TMEM132E: variants seen among roughly 807,000 people sequenced by gnomAD.
TMEM132E encodes transmembrane protein 132E.
TMEM132E carries 49 observed loss-of-function variants against 78.5 expected under a neutral mutation model. That is an observed-to-expected ratio of 0.62 (90% CI 0.50 to 0.79). TMEM132E has a LOEUF of 0.79. Among genes scored for constraint, TMEM132E ranks in the 30% least tolerant of loss-of-function variants. The pLI is 0.00. For missense variants in TMEM132E, 1,403 were observed against 1,470.9 expected (o/e 0.95, Z 0.75); for synonymous variants, 715 against 670.6 (o/e 1.07, Z -1.02).
At chr17:34,594,600 TG>T (rs1905991404) in intron 1 of TMEM132E, among the ~76,000 whole-genome samples, 1 of 152,154 alleles carries the variant, frequency 6.6e-6, no homozygotes, top group Non-Finnish European at 1.5e-5. Context: ...ATTCAGCACA[TG>T]TTTTTTTGTT....
intron 1 of TMEM132E, among the ~76,000 whole-genome samples, chr17:34,609,333 G>A (rs1438465203): frequency 6.6e-6 from 1 of 152,180 alleles, no homozygotes; most frequent in African/African-American, 2.4e-5. Flanking sequence ...GTGAGATGGG[G>A]AGAGGTGGGG....
At chr17:34,625,984 G>A in intron 1 of TMEM132E, 143 bp from the exon 2 acceptor site, 2 of 763,298 alleles carry the variant, frequency 2.6e-6, no homozygotes, top group East Asian at 2.9e-5. Flanking sequence ...GCCCACCGGA[G>A]GATGGACAGC....
In TMEM132E at chr17:34,638,649, G is replaced by A. The variant is rs1907636759; in HGVS notation, c.*417G>A. Reference sequence around the variant, plus strand: ...CCCCTGTGCAGGGGGTTCTGTGGGGGTCTTGTGTCACAGGCTGCACAAAGA... The same window carrying A: ...CCCCTGTGCAGGGGGTTCTGTGGGGATCTTGTGTCACAGGCTGCACAAAGA... On this transcript the variant is annotated 3_prime_UTR_variant, in exon 9 of 9. Transcript: ENST00000631683. 1 of 179,198 alleles carries A rather than the reference G, an allele frequency of 5.6e-6. No homozygotes were observed. The highest frequency in any genetic ancestry group is 1.2e-5 in the Non-Finnish European group (1 of 86,236). 11.1% of individuals were successfully genotyped at this position (179,198 alleles called of 1,614,324 possible).
chr17:34,634,425 T>G (rs2142086247), intron 6 of TMEM132E, among the ~76,000 whole-genome samples: 1 of 152,306 alleles, frequency 6.6e-6, no homozygotes, highest in African/African-American at 2.4e-5. Flanking sequence ...CAGCTAAGAT[T>G]TCTGGCATTC....
intron 1 of TMEM132E, among the ~76,000 whole-genome samples, chr17:34,623,073 C>A (rs914300514): frequency 6.6e-6 from 1 of 152,072 alleles, no homozygotes; most frequent in Admixed American, 6.5e-5. Flanking sequence ...AATGCAAAGG[C>A]CCTGGGGTAG....
At position 34,638,378 on chromosome 17, in the gene TMEM132E, G is replaced by C. The variant is rs900280033; in HGVS notation, c.*146G>C. On this transcript the variant is annotated 3_prime_UTR_variant, in exon 9 of 9. Transcript: ENST00000631683. ...CCTGCAGCTTGGCTCCGTGCGGAGC[G>C]GGCCGCCTCAGTGTCTGGGCCTTCC... 3.3e-6 allele frequency: 3 copies of C among 908,014 alleles called. No individual in the cohort carries two copies. Among genetic ancestry groups the C allele is most frequent in the South Asian group, 1.9e-5 (1 of 53,730 alleles). The allele number at this position is 908,014 out of a possible 1,614,324, so 56.2% of individuals were successfully genotyped here. A position where few individuals can be genotyped will look rare whatever the true frequency, so the allele number is the denominator to read the frequency against.
chr17:34,583,893 G>A (rs990001814), intron 1 of TMEM132E, among the ~76,000 whole-genome samples: 3 of 152,218 alleles, frequency 2.0e-5, no homozygotes, highest in Non-Finnish European at 4.4e-5. Flanking sequence ...CATGAGATAG[G>A]CAGAGTGGTG....
chr17:34,623,475 C>T (rs1014594344), intron 1 of TMEM132E, among the ~76,000 whole-genome samples: 1 of 152,086 alleles, frequency 6.6e-6, no homozygotes, highest in African/African-American at 2.4e-5. Context: ...CTGCCCTTCT[C>T]CCAGCCCAGA....
intron 1 of TMEM132E, among the ~76,000 whole-genome samples, chr17:34,622,338 G>A (rs553092404): frequency 6.6e-6 from 1 of 152,288 alleles, no homozygotes; most frequent in Admixed American, 6.5e-5. Flanking sequence ...AGGTCTCAGG[G>A]ACCCACCCTG....
In TMEM132E at chr17:34,626,372, C is replaced by A; in HGVS notation, c.313C>A (p.Arg105=). 6.2e-7 allele frequency: 1 copy of A among 1,613,300 alleles called. No individual in the cohort carries two copies. The highest frequency in any genetic ancestry group is 8.5e-7 in the Non-Finnish European group (1 of 1,179,760). Residue 105 remains arginine (R), a synonymous_variant, in exon 2 of 9, where the codon CGG becomes AGG. Coordinates refer to ENST00000631683, the MANE Select transcript of TMEM132E (RefSeq NM_001304438.2). ...CTTCAGCACCAGCCAGGTGGTGGCG[C>A]GGGAGCTCCTGCAGCCGTCCAGCAC... ...GPFSTSQVVA[R]ELLQPSSTLD...
intron 1 of TMEM132E, among the ~76,000 whole-genome samples, chr17:34,619,517 A>G (rs1369489618): frequency 1.3e-5 from 2 of 149,422 alleles, no homozygotes; most frequent in Non-Finnish European, 3.0e-5. Flanking sequence ...TAGATTTGAT[A>G]AAAAAGGTGT....
chr17:34,627,111 C>T (rs1396995720), intron 2 of TMEM132E, 54 bp downstream of exon 2: 5 of 1,559,750 alleles, frequency 3.2e-6, no homozygotes, highest in Non-Finnish European at 4.4e-6. Flanking sequence ...CAAATGCATA[C>T]CTGACTCCTT....
chr17:34,637,780 GGC>G lies in TMEM132E; in HGVS notation c.2774_2775del (p.Gly925AlafsTer104). On this transcript the variant is annotated frameshift_variant, in exon 9 of 9. Transcript: ENST00000631683. LOFTEE classifies it high-confidence loss of function. ...CCGGCACAAGCGCATCCCGCCCGAGGGCCAGACCAGCATGGACCACTCTCACC... is the reference window on the plus strand; with the variant it reads ...CCGGCACAAGCGCATCCCGCCCGAGGCAGACCAGCATGGACCACTCTCACC... ...RYRHKRIPPE[G>X]QTSMDHSHHW... The G allele has an allele frequency of 6.2e-7, 1 of 1,613,474 alleles. No individual in the cohort carries two copies. The highest frequency in any genetic ancestry group is 8.5e-7 in the Non-Finnish European group (1 of 1,179,974).
intron 7 of TMEM132E, chr17:34,635,729 C>T: frequency 2.9e-6 from 1 of 342,584 alleles, no homozygotes; most frequent in East Asian, 4.4e-5. Context: ...TCAATTGCTA[C>T]TAGTCACCAT....
At chr17:34,633,562 GA>G (rs1418441840) in intron 6 of TMEM132E, among the ~76,000 whole-genome samples, 1 of 152,248 alleles carries the variant, frequency 6.6e-6, no homozygotes, top group Non-Finnish European at 1.5e-5. Flanking sequence ...CTGCTGGAGA[GA>G]AAAGCACAGC....
intron 1 of TMEM132E, among the ~76,000 whole-genome samples, chr17:34,593,691 G>A (rs1905958547): frequency 6.6e-6 from 1 of 152,222 alleles, no homozygotes; most frequent in Non-Finnish European, 1.5e-5. Context: ...TCTAGGGCCG[G>A]GGTAGGCAGC....
At chr17:34,589,547 CTGA>C (rs1173141419) in intron 1 of TMEM132E, among the ~76,000 whole-genome samples, 2 of 152,212 alleles carry the variant, frequency 1.3e-5, no homozygotes, top group African/African-American at 4.8e-5. Context: ...TTTGGCCTGT[CTGA>C]TCTTACACCA....
chr17:34,581,370 C>T (rs1195935350), intron 1 of TMEM132E, among the ~76,000 whole-genome samples: 1 of 152,024 alleles, frequency 6.6e-6, no homozygotes, highest in Non-Finnish European at 1.5e-5. Context: ...GAGGGTGTCG[C>T]TCCAGTCCTC....
At chr17:34,625,170 G>T (rs1408870971) in intron 1 of TMEM132E, among the ~76,000 whole-genome samples, 1 of 152,200 alleles carries the variant, frequency 6.6e-6, no homozygotes, top group African/African-American at 2.4e-5. Context: ...TCGTCATAGC[G>T]ACAGCAGTAA....
Sources: gnomAD v4.1 joint callset for allele counts (sites outside exome capture counted in the v4.1 genomes callset) on GRCh38, gnomAD v4.1.1 for gene constraint, MANE v1.5 for transcripts, NCBI Gene and HGNC (gene_info 2026-07-23, HGNC 2026-07-21) for gene names.